PAX3: variants seen among roughly 807,000 people sequenced by gnomAD.
PAX3 encodes the protein paired box 3, also known as paired box protein Pax-3.
Under a neutral mutation model 51.6 loss-of-function variants are expected in PAX3, and 14 were observed. The ratio of observed to expected loss-of-function variants is 0.27; its 90% CI spans 0.18 to 0.42. The LOEUF is 0.42. PAX3 is among the 10% of genes least tolerant of loss of function. The pLI is 1.00. For synonymous variants in PAX3, 280 were observed against 253.4 expected (o/e 1.11, Z -1.00); for missense variants, 540 against 642.8 (o/e 0.84, Z 1.73).
chr2:222,200,905 T>C lies in PAX3; in HGVS notation c.*503A>G, dbSNP rs45619136. The C allele has an allele frequency of 4.5e-3, 2,347 of 520,236 alleles. 16 individuals carry two copies. Among genetic ancestry groups the C allele is most frequent in the Non-Finnish European group, 4.9e-3 (1,435 of 290,342 alleles). 32.2% of individuals were successfully genotyped at this position (520,236 alleles called of 1,614,324 possible). A position where few individuals can be genotyped will look rare whatever the true frequency, so the allele number is the denominator to read the frequency against. ...TAAGAGTCAAGGATTCCTCCATTCT[T>C]GCTTCATGAAATGAGCAGTTTTAAA... On this transcript the variant is annotated 3_prime_UTR_variant, in exon 9 of 9. Transcript: ENST00000392070.
chr2:222,207,674 G>T (rs1385049277), intron 7 of PAX3, among the ~76,000 whole-genome samples: 1 of 152,132 alleles, frequency 6.6e-6, no homozygotes, highest in Non-Finnish European at 1.5e-5. Context: ...ACCAATCACA[G>T]AGATAGCTTA....
chr2:222,288,354 C>A (rs1459725858), intron 4 of PAX3, among the ~76,000 whole-genome samples: 1 of 152,124 alleles, frequency 6.6e-6, no homozygotes, highest in African/African-American at 2.4e-5. Context: ...AATAAATAAA[C>A]TCTAACAATG....
intron 7 of PAX3, among the ~76,000 whole-genome samples, chr2:222,207,426 G>A (rs1260418509): frequency 1.3e-5 from 2 of 152,182 alleles, no homozygotes; most frequent in African/African-American, 2.4e-5. Flanking sequence ...CTGAGAGTTA[G>A]GGAAAGGCCA....
chr2:222,257,827 G>A lies in PAX3; in HGVS notation c.587-25544C>T, dbSNP rs553559879. 1.3e-4 allele frequency among the ~76,000 whole-genome samples: 20 copies of A among 152,330 alleles called. No homozygotes were observed. In the South Asian group the frequency reaches 3.9e-3, roughly 30 times the overall value. On this transcript the variant is annotated intron_variant, in intron 4 of 8. Transcript: ENST00000392070. ...ATGGGGCTGTTTTGTGCCCACCAGG[G>A]CCTCCCCAGGGTCACCCCCACGCTG...
intron 5 of PAX3, among the ~76,000 whole-genome samples, chr2:222,224,802 A>G (rs1037965581): frequency 2.6e-5 from 4 of 152,222 alleles, no homozygotes; most frequent in African/African-American, 9.6e-5. Flanking sequence ...AAATTCATCT[A>G]AAATATACAT....
chr2:222,226,745 A>C (rs185954708), intron 5 of PAX3, among the ~76,000 whole-genome samples: 1 of 150,382 alleles, frequency 6.6e-6, no homozygotes, highest in East Asian at 2.0e-4. Flanking sequence ...CCCAAAATGC[A>C]TGATTTCTCA....
Position 222,239,580 on chromosome 2 carries a change from C to T in PAX3, c.587-7297G>A, listed in dbSNP as rs1478841064. 2.6e-5 allele frequency among the ~76,000 whole-genome samples: 4 copies of T among 152,038 alleles called. No individual in the cohort carries two copies. In the South Asian group the frequency reaches 6.2e-4, roughly 24 times the overall value. ...ATTTTAACGTGTAGCTAGAACTGTACATTGTGTAACTATCAAGCCATACAT... is the reference window on the plus strand; with the variant it reads ...ATTTTAACGTGTAGCTAGAACTGTATATTGTGTAACTATCAAGCCATACAT... On this transcript the variant is annotated intron_variant, in intron 4 of 8. Coordinates refer to ENST00000392070, the MANE Select transcript of PAX3 (RefSeq NM_181458.4).
chr2:222,275,828 C>G (rs1393009676), intron 4 of PAX3, among the ~76,000 whole-genome samples: 2 of 152,182 alleles, frequency 1.3e-5, no homozygotes, highest in African/African-American at 4.8e-5. Flanking sequence ...CTCTGAAACT[C>G]TGTTTGGCAT....
chr2:222,201,538 C>T (rs1691293955), intron 8 of PAX3, 96 bp from the exon 9 acceptor site: 5 of 1,502,696 alleles, frequency 3.3e-6, no homozygotes, highest in Admixed American at 3.4e-5. Flanking sequence ...TATTTAATAC[C>T]GTGCTATCAA....
intron 7 of PAX3, among the ~76,000 whole-genome samples, chr2:222,205,952 C>T (rs1691488832): frequency 6.6e-6 from 1 of 152,106 alleles, no homozygotes; most frequent in African/African-American, 2.4e-5. Context: ...GGAATGTCTT[C>T]CAGTCACATT....
At chr2:222,260,552 GTTT>G (rs1236832422) in intron 4 of PAX3, among the ~76,000 whole-genome samples, 2 of 60,492 alleles carry the variant, frequency 3.3e-5, no homozygotes, top group Admixed American at 2.5e-4. Flanking sequence ...AGCAACACAA[GTTT>G]TTTTTTTTTG....
At chr2:222,243,129 T>A (rs1285255404) in intron 4 of PAX3, among the ~76,000 whole-genome samples, 1 of 152,170 alleles carries the variant, frequency 6.6e-6, no homozygotes, top group Admixed American at 6.5e-5. Context: ...TTTGCCAAGA[T>A]TAGCATGACA....
At chr2:222,217,386 AC>A (rs956441693) in intron 7 of PAX3, among the ~76,000 whole-genome samples, 1 of 152,208 alleles carries the variant, frequency 6.6e-6, no homozygotes, top group South Asian at 2.1e-4. Context: ...TTTTTATGAA[AC>A]CTGTTTTCTC....
intron 4 of PAX3, among the ~76,000 whole-genome samples, chr2:222,293,464 C>T (rs890135262): frequency 1.3e-5 from 2 of 152,096 alleles, no homozygotes; most frequent in Non-Finnish European, 2.9e-5. Flanking sequence ...CGACAGTGCA[C>T]AGCCGAAAAG....
At chr2:222,274,156 A>G (rs1694341517) in intron 4 of PAX3, among the ~76,000 whole-genome samples, 1 of 152,146 alleles carries the variant, frequency 6.6e-6, no homozygotes, top group Non-Finnish European at 1.5e-5. Context: ...CCAAATTCTA[A>G]AAGGATATTT....
chr2:222,259,161 C>A (rs538372794), intron 4 of PAX3, among the ~76,000 whole-genome samples: 44 of 152,140 alleles, frequency 2.9e-4, no homozygotes, highest in African/African-American at 1.1e-3. Flanking sequence ...TGGTTTCTTG[C>A]GAAAGGAAAA....
intron 5 of PAX3, chr2:222,221,796 C>A: frequency 4.7e-6 from 1 of 212,970 alleles, no homozygotes; most frequent in Non-Finnish European, 9.6e-6. Flanking sequence ...TTGCCTTTTA[C>A]TCCAAGCCTT....
chr2:222,204,590 G>T (rs1398628713), intron 7 of PAX3, among the ~76,000 whole-genome samples: 1 of 152,144 alleles, frequency 6.6e-6, no homozygotes. Flanking sequence ...TGATGGGTGA[G>T]ATTGGACATG....
At chr2:222,231,966 G>T in intron 5 of PAX3, 112 bp downstream of exon 5, 1 of 913,358 alleles carries the variant, frequency 1.1e-6, no homozygotes, top group Non-Finnish European at 1.8e-6. Flanking sequence ...CCCTAGTAAA[G>T]GGCCATTCCT....
Sources: gnomAD v4.1 joint callset for allele counts (sites outside exome capture counted in the v4.1 genomes callset) on GRCh38, gnomAD v4.1.1 for gene constraint, MANE v1.5 for transcripts, NCBI Gene and HGNC (gene_info 2026-07-23, HGNC 2026-07-21) for gene names.